The following CEP162 variants were observed in gnomAD, a reference collection of about 807,000 sequenced individuals.
CEP162 encodes centrosomal protein of 162 kDa.
A neutral mutation model predicts 169.2 loss-of-function variants in CEP162; 141 were observed. That is an observed-to-expected ratio of 0.83 (90% CI 0.73 to 0.96). The LOEUF is 0.96. CEP162 is among the 40% of genes least tolerant of loss of function. The probability of loss-of-function intolerance (pLI) is 0.00; values close to 1 mark genes in which losing one functional copy is unlikely to be tolerated. For missense variants in CEP162, 1,600 were observed against 1,587.2 expected, an observed-to-expected ratio of 1.01 and a Z score of -0.14; for synonymous variants, 540 against 526.4, an observed-to-expected ratio of 1.03 and a Z score of -0.35.
intron 5 of CEP162, among the ~76,000 whole-genome samples, chr6:84,214,687 T>G (rs986344450): frequency 6.6e-6 from 1 of 152,182 alleles, no homozygotes; most frequent in Non-Finnish European, 1.5e-5. Context: ...CTAAATAAAA[T>G]TATGATCTTC....
intron 25 of CEP162, among the ~76,000 whole-genome samples, chr6:84,145,898 C>A (rs1446458087): frequency 6.6e-6 from 1 of 152,102 alleles, no homozygotes; most frequent in East Asian, 1.9e-4. Flanking sequence ...AGTATACAGA[C>A]TACTCCTACC....
chr6:84,131,475 G>A (rs929967631), intron 25 of CEP162, among the ~76,000 whole-genome samples: 1 of 152,132 alleles, frequency 6.6e-6, no homozygotes, highest in African/African-American at 2.4e-5. Context: ...TATTGTGTGG[G>A]AGTCTAGGTC....
At chr6:84,180,315 C>A (rs1314150791) in intron 13 of CEP162, among the ~76,000 whole-genome samples, 1 of 152,092 alleles carries the variant, frequency 6.6e-6, no homozygotes, top group African/African-American at 2.4e-5. Context: ...TAAAAACTCT[C>A]AATAAATTAG....
intron 6 of CEP162, among the ~76,000 whole-genome samples, chr6:84,207,192 AT>A (rs978291559): frequency 6.6e-6 from 1 of 152,208 alleles, no homozygotes; most frequent in African/African-American, 2.4e-5. Context: ...TAGAAATACC[AT>A]TTGACCCAGC....
At chr6:84,208,117 C>T (rs1338384683) in intron 6 of CEP162, among the ~76,000 whole-genome samples, 1 of 150,652 alleles carries the variant, frequency 6.6e-6, no homozygotes, top group African/African-American at 2.5e-5. Context: ...TAAATACTGG[C>T]CTTATACAAC....
At chr6:84,194,535 C>T (rs759389679) in intron 10 of CEP162, among the ~76,000 whole-genome samples, 5 of 151,028 alleles carry the variant, frequency 3.3e-5, no homozygotes, top group Non-Finnish European at 5.9e-5. Flanking sequence ...CTCACTGCAA[C>T]CTTCGTCTCC....
chr6:84,213,131 T>G (rs1364368328), intron 5 of CEP162, 107 bp from the exon 6 acceptor site: 1 of 611,154 alleles, frequency 1.6e-6, no homozygotes, highest in African/African-American at 1.9e-5. Context: ...ACATGTCCTC[T>G]CTCAAGTCCT....
chr6:84,226,256 TG>T, intron 2 of CEP162, 80 bp downstream of exon 2: 11 of 931,764 alleles, frequency 1.2e-5, no homozygotes, highest in Non-Finnish European at 1.9e-5. Flanking sequence ...ATGGACTAAC[TG>T]TATCTTCGAG....
chr6:84,171,316 C>A (rs1424409930), intron 17 of CEP162, among the ~76,000 whole-genome samples: 1 of 152,064 alleles, frequency 6.6e-6, no homozygotes, highest in Non-Finnish European at 1.5e-5. Context: ...AATGACTGAT[C>A]AAGAGGAATA....
intron 6 of CEP162, among the ~76,000 whole-genome samples, chr6:84,204,767 TC>T (rs766546727): frequency 1.3e-5 from 2 of 152,038 alleles, no homozygotes; most frequent in Non-Finnish European, 2.9e-5. Context: ...AAAAAACGCT[TC>T]AAAAAATCAA....
intron 2 of CEP162, among the ~76,000 whole-genome samples, chr6:84,222,792 A>AC (rs1345986599): frequency 9.9e-5 from 15 of 151,122 alleles, no homozygotes; most frequent in African/African-American, 3.5e-4. Context: ...ACACACACAC[A>AC]ATCTTCCACT....
At position 84,204,028 on chromosome 6, in the gene CEP162, G is replaced by C. The variant is rs945798580; in HGVS notation, c.640C>G (p.Pro214Ala). The change falls in exon 7 of 27, where the codon CCT becomes GCT. Residue 214 changes from proline (P) to alanine (A), a missense_variant. By Grantham distance (27) the Pro-to-Ala change is conservative (BLOSUM62 -1). Transcript: ENST00000403245. ...APLTTKDEEMPSKENSKSEKI... is the reference protein window; with the variant it reads ...APLTTKDEEMASKENSKSEKI... ...TCTGATTTGGAATTCTCTTTGGAAG[G>C]CATCTCTTCATCTTTAGTAGTCAAC... The C allele has an allele frequency of 2.5e-6, 4 of 1,609,850 alleles. No individual in the cohort carries two copies. Among genetic ancestry groups the C allele is most frequent in the Non-Finnish European group, 3.4e-6 (4 of 1,177,910 alleles).
At chr6:84,141,096 T>A (rs543239455) in intron 25 of CEP162, among the ~76,000 whole-genome samples, 28 of 151,244 alleles carry the variant, frequency 1.9e-4, no homozygotes, top group African/African-American at 6.4e-4. Context: ...GATCAGGCAG[T>A]AATGCTCACT....
At position 84,186,320 on chromosome 6, in the gene CEP162, A is replaced by G; in HGVS notation, c.1401+12T>C. On this transcript the variant is annotated intron_variant, in intron 12 of 26. Coordinates refer to ENST00000403245, the MANE Select transcript of CEP162 (RefSeq NM_014895.4). Reference sequence around the variant, plus strand: ...CTCAATCTCTCAAATCAATTTGATGATAAATACTTACTTTATTAATTTTGT... The same window carrying G: ...CTCAATCTCTCAAATCAATTTGATGGTAAATACTTACTTTATTAATTTTGT... 7.5e-7 allele frequency: 1 copy of G among 1,330,248 alleles called. No individual in the cohort carries two copies. The highest frequency in any genetic ancestry group is 1.1e-6 in the Non-Finnish European group (1 of 928,658). The allele number at this position is 1,330,248 out of a possible 1,614,324, so 82.4% of individuals were successfully genotyped here.
chr6:84,161,978 G>A, intron 19 of CEP162, 69 bp from the exon 20 acceptor site: 1 of 1,025,608 alleles, frequency 9.8e-7, no homozygotes, highest in Non-Finnish European at 1.4e-6. Context: ...TAAATTAAAA[G>A]ATTTTAAATG....
chr6:84,185,783 T>C (rs535554000), intron 12 of CEP162, among the ~76,000 whole-genome samples: 1 of 152,294 alleles, frequency 6.6e-6, no homozygotes, highest in South Asian at 2.1e-4. Context: ...CTTCTCAAGA[T>C]GCTTTAAAAA....
intron 6 of CEP162, among the ~76,000 whole-genome samples, chr6:84,205,886 A>T (rs1462019861): frequency 6.7e-6 from 1 of 149,650 alleles, no homozygotes; most frequent in Non-Finnish European, 1.5e-5. Flanking sequence ...AGGATACAAA[A>T]TCAATGTGCA....
At position 84,221,116 on chromosome 6, in the gene CEP162, T is replaced by G; in HGVS notation, c.113A>C (p.Glu38Ala). 6.2e-7 allele frequency: 1 copy of G among 1,603,880 alleles called. No homozygotes were observed. The highest frequency in any genetic ancestry group is 8.5e-7 in the Non-Finnish European group (1 of 1,171,328). ...SDKTARQSKK[E>A]MKKKDTVPWW... ...AGGCACTGTATCTTTCTTCTTCATC[T>G]CTTTTTTAGATTGTCTAGCTGTTTT... The change falls in exon 3 of 27, where the codon GAG becomes GCG. Residue 38 changes from glutamate to alanine, a missense_variant. Glu to Ala is a moderately radical substitution (Grantham distance 107). Transcript: ENST00000403245.
intron 2 of CEP162, 72 bp downstream of exon 2, chr6:84,226,265 G>A (rs1213778210): frequency 7.0e-6 from 7 of 1,004,282 alleles, no homozygotes; most frequent in Admixed American, 4.1e-5. Flanking sequence ...CTGTATCTTC[G>A]AGATGACAGA....
Sources: gnomAD v4.1 joint callset for allele counts (sites outside exome capture counted in the v4.1 genomes callset) on GRCh38, gnomAD v4.1.1 for gene constraint, MANE v1.5 for transcripts, NCBI Gene and HGNC (gene_info 2026-07-23, HGNC 2026-07-21) for gene names.